Variants in EP300 observed in about 807,000 individuals in gnomAD.
EP300 encodes the protein histone acetyltransferase p300.
Under a neutral mutation model 264.0 loss-of-function variants are expected in EP300, and 31 were observed. That is an observed-to-expected ratio of 0.12 (90% CI 0.09 to 0.16). The LOEUF (loss-of-function observed/expected upper bound fraction) is 0.16, where lower values mean the gene tolerates loss of function less well. Ranked by LOEUF, EP300 falls within the 10% of genes least tolerant of loss-of-function variation. The pLI is 1.00. For missense variants in EP300, 2,766 were observed against 3,052.9 expected (o/e 0.91, Z 2.21); for synonymous variants, 1,340 against 1,045.4 (o/e 1.28, Z -5.44).
Position 41,093,000 on chromosome 22 carries a change from TA to T in EP300, c.1del. 1 of 1,614,034 alleles carries T rather than the reference TA, an allele frequency of 6.2e-7. No individual in the cohort carries two copies. The highest frequency in any genetic ancestry group is 1.1e-5 in the South Asian group (1 of 91,080). On this transcript the variant is annotated 5_prime_UTR_variant, in exon 1 of 31. Transcript: ENST00000263253. ...TCCTCGCTTGTATCTCCGAAAGAAT[TA>T]AAAATGGCCGAGAATGTGGTGGAAC...
chr22:41,127,389 T>G, intron 3 of EP300, 98 bp from the exon 4 acceptor site: 1 of 1,525,424 alleles, frequency 6.6e-7, no homozygotes, highest in South Asian at 1.1e-5. Context: ...TATAGTAGAC[T>G]AACCATAAAG....
At chr22:41,165,253 C>G (rs2059127829) in intron 22 of EP300, among the ~76,000 whole-genome samples, 1 of 152,060 alleles carries the variant, frequency 6.6e-6, no homozygotes, top group Non-Finnish European at 1.5e-5. Context: ...TGAAAATAAT[C>G]TGTTATTACT....
chr22:41,143,227 A>G lies in EP300; in HGVS notation c.2053+2005A>G, dbSNP rs528328987. On this transcript the variant is annotated intron_variant, in intron 10 of 30. Transcript: ENST00000263253. ...CAGCTCTTTGGGAGGCTGAGGCTGC[A>G]GATCACTTGAGCTTAGGAGTTCAGA... 3.3e-5 allele frequency among the ~76,000 whole-genome samples: 5 copies of G among 152,294 alleles called. 1 individual carries two copies. The East Asian group carries it at 7.7e-4, about 24-fold the overall frequency.
At chr22:41,104,356 C>G (rs1601590152) in intron 1 of EP300, among the ~76,000 whole-genome samples, 1 of 151,562 alleles carries the variant, frequency 6.6e-6, no homozygotes, top group South Asian at 2.1e-4. Context: ...GTGGTGTAAT[C>G]TTGGCTCACT....
At chr22:41,150,313 A>T in intron 14 of EP300, 115 bp downstream of exon 14, 3 of 1,263,252 alleles carry the variant, frequency 2.4e-6, no homozygotes, top group Non-Finnish European at 2.2e-6. Flanking sequence ...CTCCACAAGT[A>T]GAATGTAATC....
At chr22:41,126,402 A>G (rs1190126025) in intron 3 of EP300, 3 of 218,654 alleles carry the variant, frequency 1.4e-5, no homozygotes, top group Non-Finnish European at 2.8e-5. Context: ...CCGAACTCTC[A>G]GTGACCATAT....
chr22:41,137,417 T>C (rs2058957988), intron 7 of EP300, among the ~76,000 whole-genome samples: 1 of 149,208 alleles, frequency 6.7e-6, no homozygotes, highest in African/African-American at 2.5e-5. Flanking sequence ...TCTTATGATA[T>C]CTTGTGTTAG....
intron 30 of EP300, 84 bp downstream of exon 30, chr22:41,176,612 C>T (rs2059202031): frequency 3.7e-6 from 6 of 1,607,438 alleles, no homozygotes; most frequent in Non-Finnish European, 5.1e-6. Context: ...TTATAGAGGC[C>T]TGTGGGATGC....
chr22:41,124,224 G>A (rs1451184403), intron 2 of EP300, among the ~76,000 whole-genome samples: 2 of 152,048 alleles, frequency 1.3e-5, no homozygotes, highest in Non-Finnish European at 2.9e-5. Flanking sequence ...CAGCCTGGGC[G>A]ACAGAGCGAG....
In EP300 at chr22:41,178,932, A is replaced by G. The variant is rs964396023; in HGVS notation, c.7221A>G (p.Ser2407=). 4 of 1,613,998 alleles carry G rather than the reference A, an allele frequency of 2.5e-6. No individual in the cohort carries two copies. Among genetic ancestry groups the G allele is most frequent in the East Asian group, 2.2e-5 (1 of 44,880 alleles). ...TDNSDLNSNL[S]QSTLDIH Reference sequence around the variant, plus strand: ...ACTCAGACTTGAATTCAAACCTCTCACAGAGTACACTAGACATACACTAGA... The same window carrying G: ...ACTCAGACTTGAATTCAAACCTCTCGCAGAGTACACTAGACATACACTAGA... Residue 2407 remains serine, a synonymous_variant, in exon 31 of 31, where the codon TCA becomes TCG. Coordinates refer to ENST00000263253, the MANE Select transcript of EP300 (RefSeq NM_001429.4).
intron 1 of EP300, among the ~76,000 whole-genome samples, chr22:41,104,373 T>C (rs960247767): frequency 2.0e-5 from 3 of 151,888 alleles, no homozygotes; most frequent in Non-Finnish European, 4.4e-5. Flanking sequence ...CACTGCAACC[T>C]CTGCCTCCCC....
chr22:41,150,794 G>A (rs1015338082), intron 14 of EP300, among the ~76,000 whole-genome samples: 3 of 151,834 alleles, frequency 2.0e-5, no homozygotes, highest in African/African-American at 7.3e-5. Context: ...GGGAGACTGA[G>A]GCAGGAGAAT....
intron 6 of EP300, among the ~76,000 whole-genome samples, chr22:41,133,324 AT>A (rs1007845736): frequency 3.4e-5 from 5 of 148,536 alleles, no homozygotes; most frequent in East Asian, 3.9e-4. Flanking sequence ...CACCCAGCTA[AT>A]TTTTTTTTTG....
At chr22:41,172,757 C>A in intron 28 of EP300, 94 bp downstream of exon 28, 1 of 1,365,446 alleles carries the variant, frequency 7.3e-7, no homozygotes. Context: ...TTAAAGCTTT[C>A]AGGTGTAAAA....
chr22:41,147,912 A>G lies in EP300; in HGVS notation c.2207A>G (p.His736Arg). 2 of 1,613,440 alleles carry G rather than the reference A, an allele frequency of 1.2e-6. No individual in the cohort carries two copies. The highest frequency in any genetic ancestry group is 1.1e-5 in the South Asian group (1 of 90,994). The change falls in exon 12 of 31, where the codon CAT becomes CGT. Residue 736 changes from histidine (H) to arginine (R), a missense_variant. Transcript: ENST00000263253. ...VPRQTPPLQHHGQLAQPGALN... is the reference protein window; with the variant it reads ...VPRQTPPLQHRGQLAQPGALN... ...CGGCAAACCCCTCCTCTTCAGCACC[A>G]TGGACAGTTGGCTCAACCTGGAGCT...
intron 1 of EP300, among the ~76,000 whole-genome samples, chr22:41,094,614 C>T (rs912439102): frequency 2.6e-5 from 4 of 152,188 alleles, no homozygotes; most frequent in African/African-American, 7.2e-5. Flanking sequence ...ACACAAACGT[C>T]GTTGTATTCC....
intron 1 of EP300, among the ~76,000 whole-genome samples, chr22:41,115,228 T>A (rs1477238649): frequency 2.0e-5 from 3 of 152,148 alleles, no homozygotes; most frequent in African/African-American, 7.2e-5. Context: ...CCAGGGGATG[T>A]TTGGTGATGT....
Position 41,092,768 on chromosome 22 carries a change from C to T in EP300, c.-237C>T, listed in dbSNP as rs886057552. The T allele has an allele frequency of 4.3e-5, 27 of 623,762 alleles. No individual in the cohort carries two copies. The highest frequency in any genetic ancestry group is 1.5e-4 in the South Asian group (8 of 52,642). The allele number at this position is 623,762 out of a possible 1,614,324, so 38.6% of individuals were successfully genotyped here. A position where few individuals can be genotyped will look rare whatever the true frequency, so the allele number is the denominator to read the frequency against. On this transcript the variant is annotated 5_prime_UTR_variant, in exon 1 of 31. Coordinates refer to ENST00000263253, the MANE Select transcript of EP300 (RefSeq NM_001429.4). ...CGGCGAATTTGTGCTCTTGTGCCCT[C>T]CTCCGGGCTTGGGCCCAGGCCCGGC... is the stretch of plus-strand genomic sequence containing the variant.
intron 2 of EP300, among the ~76,000 whole-genome samples, chr22:41,125,333 T>C (rs553260343): frequency 7.7e-4 from 117 of 152,024 alleles, no homozygotes; most frequent in African/African-American, 2.8e-3. Flanking sequence ...TTAGCCAGGA[T>C]AGTCTCTATC....
Sources: allele counts gnomAD v4.1 joint callset (sites outside exome capture counted in the v4.1 genomes callset), GRCh38; gene constraint gnomAD v4.1.1; transcripts MANE v1.5; gene names NCBI Gene and HGNC (gene_info 2026-07-23, HGNC 2026-07-21).